EYA1: variants seen among roughly 807,000 people sequenced by gnomAD.
The protein encoded by EYA1 is EYA transcriptional coactivator and phosphatase 1.
Under a neutral mutation model 82.0 loss-of-function variants are expected in EYA1, and 16 were observed. The ratio of observed to expected loss-of-function variants is 0.20; its 90% confidence interval spans 0.13 to 0.30. The LOEUF is 0.30. EYA1 is among the 10% of genes least tolerant of loss of function. The pLI is 1.00. For synonymous variants in EYA1, 261 were observed against 264.4 expected (o/e 0.99, Z 0.12); for missense variants, 633 against 730.7 (o/e 0.87, Z 1.54).
At chr8:71,378,491 A>G (rs1056448694) in intron 2 of EYA1, among the ~76,000 whole-genome samples, 2 of 152,204 alleles carry the variant, frequency 1.3e-5, no homozygotes, top group African/African-American at 4.8e-5. Flanking sequence ...ATAAAAAACC[A>G]GTAATCTTGC....
chr8:71,375,112 T>A (rs932429117), intron 2 of EYA1, among the ~76,000 whole-genome samples: 5 of 152,136 alleles, frequency 3.3e-5, no homozygotes, highest in African/African-American at 1.2e-4. Context: ...CCGCATTGTA[T>A]ACTGAAAATT....
intron 2 of EYA1, among the ~76,000 whole-genome samples, chr8:71,498,484 G>A (rs568181757): frequency 6.6e-6 from 1 of 152,270 alleles, no homozygotes; most frequent in African/African-American, 2.4e-5. Flanking sequence ...CCTTCTAGAT[G>A]TTAATATTTT....
At chr8:71,517,524 A>G (rs1813056902) in intron 2 of EYA1, among the ~76,000 whole-genome samples, 1 of 151,900 alleles carries the variant, frequency 6.6e-6, no homozygotes, top group Non-Finnish European at 1.5e-5. Flanking sequence ...TAGTTATCAT[A>G]AGGTTCATTA....
At chr8:71,477,576 T>C (rs1434754703) in intron 2 of EYA1, among the ~76,000 whole-genome samples, 1 of 149,968 alleles carries the variant, frequency 6.7e-6, no homozygotes, top group Non-Finnish European at 1.5e-5. Flanking sequence ...AAAAAACAAG[T>C]GTTGGTGAGG....
intron 12 of EYA1, among the ~76,000 whole-genome samples, chr8:71,229,135 A>G (rs567491445): frequency 2.0e-5 from 3 of 152,232 alleles, no homozygotes; most frequent in African/African-American, 7.2e-5. Context: ...CAATGTGCCC[A>G]TCCCTCACAT....
chr8:71,368,244 T>C (rs1318466585), intron 2 of EYA1, among the ~76,000 whole-genome samples: 1 of 151,930 alleles, frequency 6.6e-6, no homozygotes, highest in Non-Finnish European at 1.5e-5. Flanking sequence ...CTTGTTTTTT[T>C]AATCAATACA....
At chr8:71,268,712 G>A (rs1330572762) in intron 11 of EYA1, among the ~76,000 whole-genome samples, 1 of 152,140 alleles carries the variant, frequency 6.6e-6, no homozygotes, top group Non-Finnish European at 1.5e-5. Context: ...GTGTACCTTT[G>A]AGATGATGAA....
chr8:71,493,018 G>A (rs1394176358), intron 2 of EYA1, among the ~76,000 whole-genome samples: 1 of 152,148 alleles, frequency 6.6e-6, no homozygotes, highest in African/African-American at 2.4e-5. Context: ...TGTGCTAATT[G>A]GTTTTCTATT....
intron 2 of EYA1, among the ~76,000 whole-genome samples, chr8:71,462,544 G>T (rs1209006797): frequency 6.6e-6 from 1 of 152,198 alleles, no homozygotes; most frequent in Non-Finnish European, 1.5e-5. Context: ...TGTGGAGTGT[G>T]CAGGTGGCCC....
rs570375348 is a variant in EYA1 at position 71,380,504 on chromosome 8, C to T, written c.34-23993G>A. Among the ~76,000 whole-genome samples the T allele has an allele frequency of 3.9e-5, 6 of 152,264 alleles. No individual in the cohort carries two copies. The South Asian group carries it at 6.2e-4, about 16-fold the overall frequency. On this transcript the variant is annotated intron_variant, in intron 2 of 18. Coordinates refer to the EYA1 transcript ENST00000643681. Reference sequence around the variant, plus strand: ...TCTCCAGCCTGCAGCCCTGCCCCTGCGGCATGTCTATGCTTTCTTCTTCTA... The same window carrying T: ...TCTCCAGCCTGCAGCCCTGCCCCTGTGGCATGTCTATGCTTTCTTCTTCTA...
chr8:71,364,069 T>C (rs1827600692), upstream of EYA1, among the ~76,000 whole-genome samples: 1 of 151,926 alleles, frequency 6.6e-6, no homozygotes, highest in South Asian at 2.1e-4. Context: ...AATTTTTATT[T>C]ATATAACCAA....
At chr8:71,235,964 A>G (rs1014580502) in intron 12 of EYA1, among the ~76,000 whole-genome samples, 19 of 152,330 alleles carry the variant, frequency 1.2e-4, no homozygotes, top group African/African-American at 4.6e-4. Flanking sequence ...ACTTGAAAAT[A>G]TATCGTCGTG....
rs573186880 is a variant in EYA1, at chr8:71,199,604, C to T, written c.1699-184G>A. 7.2e-5 allele frequency among the ~76,000 whole-genome samples: 11 copies of T among 152,296 alleles called. No individual in the cohort carries two copies. The South Asian group carries it at 2.1e-3, about 29-fold the overall frequency. ...TCAATCCTCCCCTAAGAATACTGGA[C>T]TGAGTTGTAAAATGTAATCTAGAGT... On this transcript the variant is annotated intron_variant, in intron 17 of 17. Coordinates refer to ENST00000340726, the MANE Select transcript of EYA1 (RefSeq NM_000503.6).
At chr8:71,312,206 C>T (rs943437784) in intron 7 of EYA1, among the ~76,000 whole-genome samples, 3 of 152,112 alleles carry the variant, frequency 2.0e-5, no homozygotes, top group South Asian at 2.1e-4. Context: ...TTAGTTCTAA[C>T]GATCAAGCCT....
intron 12 of EYA1, among the ~76,000 whole-genome samples, chr8:71,226,787 T>C (rs554689582): frequency 6.6e-6 from 1 of 151,760 alleles, no homozygotes; most frequent in South Asian, 2.1e-4. Context: ...ATAAATACTA[T>C]CTCGTACAAG....
chr8:71,253,091 C>G (rs148488892), intron 11 of EYA1, among the ~76,000 whole-genome samples: 1 of 152,160 alleles, frequency 6.6e-6, no homozygotes, highest in African/African-American at 2.4e-5. Flanking sequence ...TGATCCAATA[C>G]TTTAGCATTT....
chr8:71,290,408 T>A (rs1364433432), intron 9 of EYA1, among the ~76,000 whole-genome samples: 4 of 152,156 alleles, frequency 2.6e-5, no homozygotes, highest in African/African-American at 9.7e-5. Context: ...AAATAATGAA[T>A]CAATTAGTTA....
At chr8:71,281,322 C>T (rs1247711646) in intron 9 of EYA1, among the ~76,000 whole-genome samples, 1 of 152,202 alleles carries the variant, frequency 6.6e-6, no homozygotes, top group Non-Finnish European at 1.5e-5. Context: ...ACTGCTGAAG[C>T]TCCCTCTGTC....
At chr8:71,430,726 G>T (rs1018121242) in intron 2 of EYA1, among the ~76,000 whole-genome samples, 3 of 152,142 alleles carry the variant, frequency 2.0e-5, no homozygotes, top group Admixed American at 6.5e-5. Flanking sequence ...TGCTGTAAAG[G>T]TTCCCCAAGT....
Sources: gnomAD v4.1 joint callset for allele counts (sites outside exome capture counted in the v4.1 genomes callset) on GRCh38, gnomAD v4.1.1 for gene constraint, MANE v1.5 for transcripts, NCBI Gene and HGNC (gene_info 2026-07-23, HGNC 2026-07-21) for gene names.